Variants in FNBP1 observed in about 807,000 individuals in gnomAD.
FNBP1 encodes formin binding protein 1.
A neutral mutation model predicts 90.6 loss-of-function variants in FNBP1; 26 were observed. The observed-to-expected ratio is 0.29, with a 90% CI of 0.21 to 0.40. FNBP1 has a LOEUF of 0.40. Among genes scored for constraint, FNBP1 ranks in the 10% least tolerant of loss-of-function variants. FNBP1 has a pLI of 1.00. For missense variants in FNBP1, 635 were observed against 768.0 expected (o/e 0.83, Z 2.05); for synonymous variants, 260 against 265.2 (o/e 0.98, Z 0.19).
intron 1 of FNBP1, among the ~76,000 whole-genome samples, chr9:130,010,383 A>C (rs1258906633): frequency 6.6e-6 from 1 of 152,144 alleles, no homozygotes; most frequent in Non-Finnish European, 1.5e-5. Context: ...TATCTACTAA[A>C]CACGTACTGA....
chr9:130,047,061 T>A (rs184897831), upstream of FNBP1, among the ~76,000 whole-genome samples: 519 of 152,188 alleles, frequency 3.4e-3, 3 homozygotes, highest in African/African-American at 0.012. Flanking sequence ...AAGCCCTCAA[T>A]TTGTGATATC....
chr9:129,979,554 C>A (rs1216435861), intron 2 of FNBP1, among the ~76,000 whole-genome samples, 180 bp from the exon 3 acceptor site: 3 of 152,230 alleles, frequency 2.0e-5, no homozygotes, highest in Admixed American at 1.3e-4. Context: ...TAAGAACGTG[C>A]ACAGCTTTTC....
chr9:129,985,471 A>G, intron 2 of FNBP1, among the ~76,000 whole-genome samples: 1 of 152,356 alleles, frequency 6.6e-6, no homozygotes, highest in East Asian at 1.9e-4. Context: ...ATTACATCCC[A>G]GGCATTGGGA....
intron 6 of FNBP1, among the ~76,000 whole-genome samples, chr9:129,943,334 A>AT (rs1277242878): frequency 2.9e-5 from 4 of 139,224 alleles, no homozygotes; most frequent in Non-Finnish European, 6.2e-5. Flanking sequence ...CGTTTTTATA[A>AT]TTTTTTTTCC....
intron 1 of FNBP1, among the ~76,000 whole-genome samples, chr9:130,012,141 T>C (rs568607657): frequency 1.4e-4 from 21 of 152,348 alleles, no homozygotes; most frequent in Admixed American, 9.2e-4. Flanking sequence ...GTAGAAAAGA[T>C]GCAGAGCCTA....
intron 1 of FNBP1, among the ~76,000 whole-genome samples, chr9:130,008,808 G>T (rs1337842305): frequency 6.6e-6 from 1 of 152,030 alleles, no homozygotes; most frequent in African/African-American, 2.4e-5. Context: ...TCTCAGCCCT[G>T]GAAAACCAAC....
chr9:130,019,492 A>G (rs1347641375), intron 1 of FNBP1, among the ~76,000 whole-genome samples: 2 of 152,184 alleles, frequency 1.3e-5, no homozygotes, highest in African/African-American at 2.4e-5. Context: ...ATATTTTGGA[A>G]TATCAATTTT....
intron 11 of FNBP1, among the ~76,000 whole-genome samples, chr9:129,912,446 TG>T (rs1467853609): frequency 6.6e-6 from 1 of 152,092 alleles, no homozygotes; most frequent in African/African-American, 2.4e-5. Context: ...CTTGGCACTT[TG>T]GGAGGCCGAG....
At chr9:129,921,866 G>A (rs1192483735) in intron 10 of FNBP1, among the ~76,000 whole-genome samples, 1 of 152,084 alleles carries the variant, frequency 6.6e-6, no homozygotes, top group Non-Finnish European at 1.5e-5. Context: ...CTTTTCCCAG[G>A]CCAATGTGTC....
intron 4 of FNBP1, among the ~76,000 whole-genome samples, chr9:129,960,397 AAAAAAAGAAAAAGAAAAAG>A (rs1029528076): frequency 1.5e-5 from 2 of 133,260 alleles, no homozygotes; most frequent in African/African-American, 5.1e-5. Flanking sequence ...AAAAAAAAAA[AAAAAAAGAAAAAGAAAAAG>A]AAAAAGAAAA....
intron 7 of FNBP1, 106 bp from the exon 8 acceptor site, chr9:129,927,447 T>C (rs2042082681): frequency 1.8e-6 from 2 of 1,083,422 alleles, no homozygotes; most frequent in South Asian, 3.0e-5. Flanking sequence ...GAGGAAAAAA[T>C]GGGTTAGAGT....
chr9:129,957,066 T>C lies in FNBP1; in HGVS notation c.513+294A>G, dbSNP rs539764656. Among the ~76,000 whole-genome samples the C allele has an allele frequency of 6.6e-6, 1 of 151,842 alleles. No individual in the cohort carries two copies. The highest frequency in any genetic ancestry group is 1.9e-4 in the East Asian group (1 of 5,164). On this transcript the variant is annotated intron_variant, in intron 6 of 16. Transcript: ENST00000446176. This position sits in a 1 kb window ranked among gnomAD's most constrained non-coding sequence, Gnocchi z 4.3. ...TCTTTTTTTTTTTTTGGCGATAGTT[T>C]CGCTCTTGTTACCCAGGCTGGAGTG...
At chr9:129,982,632 C>A (rs909308687) in intron 2 of FNBP1, among the ~76,000 whole-genome samples, 14 of 152,084 alleles carry the variant, frequency 9.2e-5, no homozygotes, top group African/African-American at 3.4e-4. Context: ...ATTTCTAGTG[C>A]GTGGTTTATT....
At chr9:129,934,478 A>G (rs1001238592) in intron 6 of FNBP1, among the ~76,000 whole-genome samples, 1 of 152,206 alleles carries the variant, frequency 6.6e-6, no homozygotes, top group African/African-American at 2.4e-5. Context: ...GACAGAATTT[A>G]AACTTGAGAA....
At chr9:129,931,058 C>T (rs2042659988) in intron 6 of FNBP1, among the ~76,000 whole-genome samples, 2 of 152,126 alleles carry the variant, frequency 1.3e-5, no homozygotes, top group South Asian at 4.1e-4. Context: ...AATCCCAGCT[C>T]TATGGAAGGC....
At chr9:130,005,062 C>CAAAAAAAAAAAAAAAA (rs573686773) in intron 1 of FNBP1, among the ~76,000 whole-genome samples, 2 of 92,840 alleles carry the variant, frequency 2.2e-5, no homozygotes, top group African/African-American at 8.6e-5. Context: ...AAGACTGTCT[C>CAAAAAAAAAAAAAAAA]AAAAAAAAAA....
At chr9:130,052,411 T>C in the FNBP1 span, among the ~76,000 whole-genome samples, 1 of 152,136 alleles carries the variant, frequency 6.6e-6, no homozygotes, top group Non-Finnish European at 1.5e-5. Context: ...TATTGTATTA[T>C]AAAATGGGAT....
At chr9:129,971,018 T>C (rs62583634) in intron 4 of FNBP1, among the ~76,000 whole-genome samples, 14,114 of 152,006 alleles carry the variant, frequency 0.093, 733 homozygotes, top group Middle Eastern at 0.16. Flanking sequence ...CCTGAGTAGC[T>C]GGGATTACAG....
At chr9:129,936,046 T>C (rs528658640) in intron 6 of FNBP1, among the ~76,000 whole-genome samples, 36 of 152,322 alleles carry the variant, frequency 2.4e-4, no homozygotes, top group Non-Finnish European at 4.4e-5. Flanking sequence ...AGCAACCTGA[T>C]ACTTAAAGCA....
Sources: allele counts gnomAD v4.1 joint callset (sites outside exome capture counted in the v4.1 genomes callset), GRCh38; gene constraint gnomAD v4.1.1; non-coding constraint Gnocchi (gnomAD v3.1); transcripts MANE v1.5; gene names NCBI Gene and HGNC (gene_info 2026-07-23, HGNC 2026-07-21).